The following HCN1 variants were observed in gnomAD, a reference collection of about 807,000 sequenced individuals.
HCN1 encodes potassium/sodium hyperpolarization-activated cyclic nucleotide-gated channel 1.
In HCN1, 13 loss-of-function variants were observed where a neutral mutation model predicts 78.9. The ratio of observed to expected loss-of-function variants is 0.16; its 90% CI spans 0.11 to 0.26. The LOEUF is 0.26. HCN1 is among the 10% of genes least tolerant of loss of function. The pLI is 1.00. For synonymous variants in HCN1, 552 were observed against 455.5 expected, an observed-to-expected ratio of 1.21 and a Z score of -2.70; for missense variants, 810 against 1,154.3, an observed-to-expected ratio of 0.70 and a Z score of 4.32.
chr5:45,620,487 A>T (rs921101310), intron 2 of HCN1, among the ~76,000 whole-genome samples: 9 of 151,854 alleles, frequency 5.9e-5, no homozygotes, highest in Admixed American at 5.2e-4. Context: ...TAATTTTTTT[A>T]AATTTTCTGA....
At chr5:45,273,098 T>C (rs1561083504) in intron 6 of HCN1, among the ~76,000 whole-genome samples, 1 of 152,094 alleles carries the variant, frequency 6.6e-6, no homozygotes, top group Non-Finnish European at 1.5e-5. Flanking sequence ...ATTTACATAT[T>C]ATAATAAATT....
At chr5:45,268,166 G>A (rs1029464833) in intron 6 of HCN1, among the ~76,000 whole-genome samples, 6 of 152,150 alleles carry the variant, frequency 3.9e-5, no homozygotes, top group Admixed American at 6.5e-5. Flanking sequence ...CATGTACAGA[G>A]GGACTCTCTA....
At chr5:45,389,258 G>A (rs553942036) in intron 4 of HCN1, among the ~76,000 whole-genome samples, 38 of 152,020 alleles carry the variant, frequency 2.5e-4, no homozygotes, top group African/African-American at 8.9e-4. Flanking sequence ...TTTTTCTCAT[G>A]AAGTTCACTT....
chr5:45,673,325 C>T (rs772048105), intron 1 of HCN1, among the ~76,000 whole-genome samples: 1 of 151,442 alleles, frequency 6.6e-6, no homozygotes, highest in Admixed American at 6.6e-5. Context: ...AATGTTAGTC[C>T]AGTTTCTCAA....
chr5:45,576,050 A>T (rs1561206930), intron 2 of HCN1: 1 of 152,224 alleles, frequency 6.6e-6, no homozygotes, highest in East Asian at 1.9e-4. Flanking sequence ...TAAACATTAA[A>T]AGAAATTTGG....
intron 2 of HCN1, among the ~76,000 whole-genome samples, chr5:45,608,029 C>A (rs1561218354): frequency 6.6e-6 from 1 of 151,788 alleles, no homozygotes; most frequent in Non-Finnish European, 1.5e-5. Context: ...AGTAATGTTG[C>A]TGGATTTAAA....
At chr5:45,306,267 A>T (rs1229793086) in intron 5 of HCN1, among the ~76,000 whole-genome samples, 1 of 152,114 alleles carries the variant, frequency 6.6e-6, no homozygotes, top group Non-Finnish European at 1.5e-5. Flanking sequence ...TGAACTATGC[A>T]AATGTTTCAC....
At chr5:45,339,241 G>T (rs1028092693) in intron 5 of HCN1, among the ~76,000 whole-genome samples, 1 of 152,108 alleles carries the variant, frequency 6.6e-6, no homozygotes, top group Non-Finnish European at 1.5e-5. Context: ...CTATCCCCAA[G>T]AAGCTCATAG....
chr5:45,352,127 A>G (rs1746917751), intron 5 of HCN1, among the ~76,000 whole-genome samples: 1 of 152,342 alleles, frequency 6.6e-6, no homozygotes, highest in South Asian at 2.1e-4. Flanking sequence ...GAACCAACCC[A>G]AATGTCCAAC....
At chr5:45,362,853 A>G (rs1346349823) in intron 4 of HCN1, among the ~76,000 whole-genome samples, 3 of 151,970 alleles carry the variant, frequency 2.0e-5, no homozygotes, top group Non-Finnish European at 4.4e-5. Context: ...ATTGATCACA[A>G]GTAGCCCTCT....
At chr5:45,413,513 T>C (rs1290130245) in intron 3 of HCN1, among the ~76,000 whole-genome samples, 1 of 152,054 alleles carries the variant, frequency 6.6e-6, no homozygotes, top group Non-Finnish European at 1.5e-5. Flanking sequence ...TTTGAGGATA[T>C]TCAGATTTGT....
At chr5:45,695,429 G>A (rs1304333339) in intron 1 of HCN1, among the ~76,000 whole-genome samples, 1 of 152,182 alleles carries the variant, frequency 6.6e-6, no homozygotes, top group African/African-American at 2.4e-5. Flanking sequence ...AAGTTCAGGA[G>A]GCCAAGGAGG....
At chr5:45,351,739 A>G (rs1245738938) in intron 5 of HCN1, among the ~76,000 whole-genome samples, 2 of 149,496 alleles carry the variant, frequency 1.3e-5, no homozygotes, top group African/African-American at 2.5e-5. Flanking sequence ...CACTTCTCAA[A>G]AGAAGACATT....
chr5:45,271,242 G>C (rs1430771809), intron 6 of HCN1, among the ~76,000 whole-genome samples: 1 of 151,856 alleles, frequency 6.6e-6, no homozygotes, highest in Non-Finnish European at 1.5e-5. Context: ...TTTACCTTTT[G>C]TAGTTTGTGG....
chr5:45,652,148 C>G (rs934077357), intron 1 of HCN1, among the ~76,000 whole-genome samples: 1 of 151,830 alleles, frequency 6.6e-6, no homozygotes. Context: ...AAGTTGTGTA[C>G]CAATCCAAGC....
chr5:45,321,720 C>A (rs1376703083), intron 5 of HCN1, among the ~76,000 whole-genome samples: 2 of 151,708 alleles, frequency 1.3e-5, no homozygotes, highest in African/African-American at 4.8e-5. Context: ...TATGGCAGAT[C>A]ATTTAATAGC....
intron 2 of HCN1, among the ~76,000 whole-genome samples, chr5:45,544,210 T>C (rs906182852): frequency 1.3e-5 from 2 of 152,048 alleles, no homozygotes; most frequent in African/African-American, 4.8e-5. Context: ...AAATAAAAAA[T>C]AATGTATGTA....
chr5:45,614,019 T>C (rs2111983411), intron 2 of HCN1, among the ~76,000 whole-genome samples: 1 of 152,274 alleles, frequency 6.6e-6, no homozygotes, highest in East Asian at 1.9e-4. Flanking sequence ...GGTTTATTCT[T>C]GTTATGTATA....
intron 2 of HCN1, among the ~76,000 whole-genome samples, chr5:45,634,469 A>G (rs1745324675): frequency 6.6e-6 from 1 of 152,030 alleles, no homozygotes; most frequent in Non-Finnish European, 1.5e-5. Context: ...TCAAGAATCC[A>G]TTACTCATAA....
Sources: allele counts gnomAD v4.1 joint callset (sites outside exome capture counted in the v4.1 genomes callset), GRCh38; gene constraint gnomAD v4.1.1; transcripts MANE v1.5; gene names NCBI Gene and HGNC (gene_info 2026-07-23, HGNC 2026-07-21).